Variants in GRIA4 observed in about 807,000 individuals in gnomAD.
The protein encoded by GRIA4 is glutamate receptor 4.
In GRIA4, 34 loss-of-function variants were observed where a neutral mutation model predicts 104.0. The ratio of observed to expected loss-of-function variants is 0.33; its 90% CI spans 0.25 to 0.44. The LOEUF is 0.44. Ranked by LOEUF, GRIA4 falls within the 20% of genes least tolerant of loss-of-function variation. The pLI, the probability that GRIA4 is intolerant of heterozygous loss-of-function variation, is 1.00. For missense variants in GRIA4, 750 were observed against 1,096.5 expected (o/e 0.68, Z 4.46); for synonymous variants, 386 against 381.9 (o/e 1.01, Z -0.13).
intron 13 of GRIA4, among the ~76,000 whole-genome samples, chr11:105,928,621 G>C (rs1947785881): frequency 6.6e-6 from 1 of 151,906 alleles, no homozygotes; most frequent in Admixed American, 6.6e-5. Context: ...TAAAATACAA[G>C]TTTGTGCTAT....
chr11:105,658,002 A>C (rs1008090734), intron 3 of GRIA4, among the ~76,000 whole-genome samples: 11 of 151,794 alleles, frequency 7.2e-5, no homozygotes, highest in African/African-American at 2.4e-4. Flanking sequence ...TGTGTGTACA[A>C]GTATTTTTAT....
intron 3 of GRIA4, among the ~76,000 whole-genome samples, chr11:105,673,396 C>T (rs1331970300): frequency 6.6e-6 from 1 of 152,026 alleles, no homozygotes; most frequent in Non-Finnish European, 1.5e-5. Context: ...GTAGTAAGTG[C>T]TTAAATAGGG....
chr11:105,721,409 T>C (rs1937805420), intron 3 of GRIA4, among the ~76,000 whole-genome samples: 1 of 152,062 alleles, frequency 6.6e-6, no homozygotes, highest in Non-Finnish European at 1.5e-5. Flanking sequence ...GGGGAAATAA[T>C]GAGATTCAAG....
At chr11:105,619,691 A>G (rs1010584244) in intron 3 of GRIA4, among the ~76,000 whole-genome samples, 1 of 151,932 alleles carries the variant, frequency 6.6e-6, no homozygotes, top group African/African-American at 2.4e-5. Context: ...AATTGTGTGT[A>G]CTTGTGCACA....
intron 10 of GRIA4, among the ~76,000 whole-genome samples, chr11:105,916,167 G>C (rs949648771): frequency 1.1e-4 from 17 of 152,166 alleles, no homozygotes; most frequent in Non-Finnish European, 2.4e-4. Context: ...CTGGGTGATA[G>C]AGCACAGCTA....
intron 7 of GRIA4, among the ~76,000 whole-genome samples, chr11:105,902,782 G>A (rs1946905684): frequency 1.3e-5 from 2 of 152,146 alleles, no homozygotes; most frequent in South Asian, 4.1e-4. Context: ...CTGACCATAT[G>A]GAATTTCTAA....
chr11:105,927,817 CG>C (rs1265363989), intron 13 of GRIA4, among the ~76,000 whole-genome samples: 1 of 151,944 alleles, frequency 6.6e-6, no homozygotes, highest in East Asian at 1.9e-4. Flanking sequence ...TTAAAAAGTT[CG>C]CCAGAGTGAC....
At chr11:105,922,320 A>C (rs1314853529) in intron 11 of GRIA4, among the ~76,000 whole-genome samples, 1 of 152,172 alleles carries the variant, frequency 6.6e-6, no homozygotes, top group African/African-American at 2.4e-5. Context: ...AAAGCTGAAC[A>C]TGCCTTTGCA....
chr11:105,668,677 C>CTTTTTTTT (rs11378145), intron 3 of GRIA4, among the ~76,000 whole-genome samples: 1 of 140,514 alleles, frequency 7.1e-6, no homozygotes. Context: ...TATCTTTTGT[C>CTTTTTTTT]TTTTTTTTTT....
At chr11:105,819,650 G>T (rs1201729073) in intron 4 of GRIA4, among the ~76,000 whole-genome samples, 1 of 151,070 alleles carries the variant, frequency 6.6e-6, no homozygotes, top group Non-Finnish European at 1.5e-5. Flanking sequence ...AGGGGGTAAG[G>T]GTAGATAAAA....
At chr11:105,977,916 G>C (rs754603544) in intron 16 of GRIA4, among the ~76,000 whole-genome samples, 1 of 151,934 alleles carries the variant, frequency 6.6e-6, no homozygotes, top group Non-Finnish European at 1.5e-5. Context: ...TCTTGATTAA[G>C]GGATTCTTTC....
At chr11:105,903,520 G>A (rs113543199) in intron 7 of GRIA4, among the ~76,000 whole-genome samples, 54 of 152,298 alleles carry the variant, frequency 3.5e-4, no homozygotes, top group African/African-American at 1.3e-3. Flanking sequence ...CAACAGAAAG[G>A]CCTTGCCTAG....
chr11:105,790,760 T>C (rs1221168561), intron 4 of GRIA4, among the ~76,000 whole-genome samples: 2 of 152,186 alleles, frequency 1.3e-5, no homozygotes, highest in African/African-American at 2.4e-5. Flanking sequence ...ATTTGATATA[T>C]CAGAAAAGTT....
chr11:105,854,539 T>C (rs1944941195), intron 4 of GRIA4, among the ~76,000 whole-genome samples: 1 of 152,094 alleles, frequency 6.6e-6, no homozygotes, highest in South Asian at 2.1e-4. Flanking sequence ...CCTGAAGCTA[T>C]GCTATGAGTA....
At chr11:105,762,888 A>G (rs996546440) in intron 4 of GRIA4, among the ~76,000 whole-genome samples, 2 of 152,218 alleles carry the variant, frequency 1.3e-5, no homozygotes, top group African/African-American at 4.8e-5. Flanking sequence ...GCAGCGTGAG[A>G]ACAGGCTAAT....
intron 4 of GRIA4, among the ~76,000 whole-genome samples, chr11:105,858,958 A>G (rs1042639397): frequency 5.3e-5 from 8 of 152,214 alleles, no homozygotes; most frequent in African/African-American, 1.4e-4. Flanking sequence ...TGTTAACTAC[A>G]TGATATTCAT....
intron 5 of GRIA4, among the ~76,000 whole-genome samples, chr11:105,883,119 G>GA (rs1178698077): frequency 1.3e-5 from 2 of 151,382 alleles, no homozygotes; most frequent in East Asian, 1.9e-4. Context: ...CACACACAGG[G>GA]AAAAAAAAGT....
intron 15 of GRIA4, among the ~76,000 whole-genome samples, chr11:105,973,098 A>C (rs1479513373): frequency 6.6e-6 from 1 of 152,210 alleles, no homozygotes; most frequent in Non-Finnish European, 1.5e-5. Context: ...ATGTAAAGTC[A>C]GACAAGTGCA....
At chr11:105,646,112 C>T (rs1371360301) in intron 3 of GRIA4, among the ~76,000 whole-genome samples, 1 of 152,090 alleles carries the variant, frequency 6.6e-6, no homozygotes, top group Non-Finnish European at 1.5e-5. Context: ...GAATGTTTAC[C>T]AAGCAATGTG....
Sources: gnomAD v4.1 joint callset for allele counts (sites outside exome capture counted in the v4.1 genomes callset) on GRCh38, gnomAD v4.1.1 for gene constraint, MANE v1.5 for transcripts, NCBI Gene and HGNC (gene_info 2026-07-23, HGNC 2026-07-21) for gene names.